Variants in RASL12 observed in about 807,000 individuals in gnomAD.
RASL12 encodes the protein RAS like family 12, also known as ras-like protein family member 12.
RASL12 carries 16 observed loss-of-function variants against 22.9 expected under a neutral mutation model. That is an observed-to-expected ratio of 0.70 (90% CI 0.47 to 1.06). RASL12 has a LOEUF of 1.06. Ranked by LOEUF, RASL12 falls within the 50% of genes least tolerant of loss-of-function variation. The pLI, the probability that RASL12 is intolerant of heterozygous loss-of-function variation, is 0.00. For synonymous variants in RASL12, 159 were observed against 152.2 expected (o/e 1.04, Z -0.33); for missense variants, 306 against 353.1 (o/e 0.87, Z 1.07).
intron 1 of RASL12, 74 bp from the exon 2 acceptor site, chr15:65,065,347 C>A (rs1389076246): frequency 7.4e-7 from 1 of 1,356,288 alleles, no homozygotes; most frequent in Non-Finnish European, 1.0e-6. Flanking sequence ...TTAAGGGAGG[C>A]CTTATCTAAC....
In RASL12 at chr15:65,054,487, C is replaced by A. The variant is rs2086699537; in HGVS notation, c.*412G>T. The A allele has an allele frequency of 1.0e-6, 1 of 1,000,544 alleles. No homozygotes were observed. Among genetic ancestry groups the A allele is most frequent in the Non-Finnish European group, 1.2e-6 (1 of 839,938 alleles). The allele number at this position is 1,000,544 out of a possible 1,614,324, so 62.0% of individuals were successfully genotyped here. A position where few individuals can be genotyped will look rare whatever the true frequency, so the allele number is the denominator to read the frequency against. On this transcript the variant is annotated 3_prime_UTR_variant, in exon 5 of 5. Transcript: ENST00000220062. Reference sequence around the variant, plus strand: ...GGCACAAGGACCCCAGGCTGTCATTCCGCAGGCTGTTCTCGGGCCTGACAT... The same window carrying A: ...GGCACAAGGACCCCAGGCTGTCATTACGCAGGCTGTTCTCGGGCCTGACAT...
chr15:65,068,972 C>G (rs1056242334), upstream of RASL12, among the ~76,000 whole-genome samples: 10 of 152,258 alleles, frequency 6.6e-5, no homozygotes, highest in Non-Finnish European at 2.9e-5. The surrounding 1 kb of genome is among the most constrained non-coding windows in gnomAD (Gnocchi z 4.2). Context: ...ATTCTAGAAC[C>G]CTGTGAGGCA....
downstream of RASL12, among the ~76,000 whole-genome samples, chr15:65,048,716 ATG>A (rs1595899268): frequency 1.3e-5 from 2 of 152,268 alleles, no homozygotes; most frequent in East Asian, 3.9e-4. Flanking sequence ...TTTTAAAAAA[ATG>A]TGTTATTGGG....
chr15:65,076,346 T>C (rs553041334), intron 1 of RASL12, among the ~76,000 whole-genome samples: 2 of 151,984 alleles, frequency 1.3e-5, no homozygotes, highest in South Asian at 4.2e-4. Context: ...ACAAGCCCAC[T>C]GGGAGGAACG....
chr15:65,054,730 C>A lies in RASL12; in HGVS notation c.*169G>T. ...GGCCTGGAGGGAACAGAAGCAGCAT[C>A]CCTGCCTGCCACTCCAGCTCACACA... is the stretch of plus-strand genomic sequence containing the variant. On this transcript the variant is annotated 3_prime_UTR_variant, in exon 5 of 5. Transcript: ENST00000220062. The A allele has an allele frequency of 1.4e-6, 2 of 1,437,676 alleles. No homozygotes were observed. The highest frequency in any genetic ancestry group is 2.9e-5 in the African/African-American group (2 of 70,170). 89.1% of individuals were successfully genotyped at this position (1,437,676 alleles called of 1,614,324 possible).
At chr15:65,058,010 G>A (rs1249010594) in intron 4 of RASL12, among the ~76,000 whole-genome samples, 3 of 152,190 alleles carry the variant, frequency 2.0e-5, no homozygotes, top group East Asian at 3.9e-4. Context: ...GGTGGCTCAC[G>A]CCTGTAATCC....
chr15:65,076,152 A>C (rs2086967155), intron 1 of RASL12, among the ~76,000 whole-genome samples: 1 of 152,132 alleles, frequency 6.6e-6, no homozygotes, highest in Admixed American at 6.5e-5. Flanking sequence ...AAGAGAATAA[A>C]CGCAGGCTAC....
At chr15:65,074,229 C>G (rs2086949915) in intron 1 of RASL12, among the ~76,000 whole-genome samples, 2 of 137,422 alleles carry the variant, frequency 1.5e-5, no homozygotes, top group South Asian at 4.2e-4. Context: ...CTGTCCCACT[C>G]CTCTGAGCTG....
At chr15:65,055,334 C>A in intron 4 of RASL12, 60 bp from the exon 5 acceptor site, 1 of 1,431,100 alleles carries the variant, frequency 7.0e-7, no homozygotes, top group Non-Finnish European at 9.3e-7. Context: ...GTCAGGCAGA[C>A]CAGCTCCTAC....
At chr15:65,055,668 C>T (rs1277508163) in intron 4 of RASL12, among the ~76,000 whole-genome samples, 1 of 152,148 alleles carries the variant, frequency 6.6e-6, no homozygotes, top group Admixed American at 6.5e-5. Flanking sequence ...ATCGTGGGTC[C>T]CTGGGGCAGG....
intron 2 of RASL12, among the ~76,000 whole-genome samples, chr15:65,061,260 C>T (rs1390458965): frequency 6.6e-6 from 1 of 152,266 alleles, no homozygotes; most frequent in Non-Finnish European, 1.5e-5. Flanking sequence ...GGAACTTGAA[C>T]TCAGGGCTTC....
chr15:65,060,058 G>C (rs546305938), intron 2 of RASL12, among the ~76,000 whole-genome samples: 31 of 152,342 alleles, frequency 2.0e-4, no homozygotes, highest in Non-Finnish European at 3.2e-4. Context: ...CTCTGAGGCT[G>C]TTTCCTCATT....
chr15:65,061,299 C>T (rs1041782220), intron 2 of RASL12, among the ~76,000 whole-genome samples: 10 of 152,248 alleles, frequency 6.6e-5, no homozygotes, highest in Non-Finnish European at 1.3e-4. Context: ...CAATGGGACC[C>T]CCTCACCCCG....
chr15:65,058,214 AGCCGAGATG>A (rs1385615478), intron 4 of RASL12, among the ~76,000 whole-genome samples: 1 of 152,220 alleles, frequency 6.6e-6, no homozygotes, highest in African/African-American at 2.4e-5. Context: ...GGTTGCAGTG[AGCCGAGATG>A]GTGCCATTGC....
At position 65,067,748 on chromosome 15, in the gene RASL12, C is replaced by T; in HGVS notation, c.88G>A (p.Gly30Arg). ...EVNLAILGRRGAGKSALTVKF... is the reference protein window; with the variant it reads ...EVNLAILGRRRAGKSALTVKF... ...CGCCACTCACCAGACTTGCCAGCCCCGCGGCGCCCCAGGATGGCCAGGTTG... is the reference window on the plus strand; with the variant it reads ...CGCCACTCACCAGACTTGCCAGCCCTGCGGCGCCCCAGGATGGCCAGGTTG... The change falls in exon 1 of 5, where the codon GGG (glycine) becomes AGG (arginine). Residue 30 changes from glycine to arginine, a missense_variant. By Grantham distance (125) the Gly-to-Arg change is moderately radical. Coordinates refer to ENST00000220062, the MANE Select transcript of RASL12 (RefSeq NM_016563.4). 1 of 1,568,970 alleles carries T rather than the reference C, an allele frequency of 6.4e-7. No homozygotes were observed. Among genetic ancestry groups the T allele is most frequent in the Non-Finnish European group, 8.6e-7 (1 of 1,160,054 alleles).
At chr15:65,070,817 T>C (rs2086926726), upstream of RASL12, among the ~76,000 whole-genome samples, 1 of 152,188 alleles carries the variant, frequency 6.6e-6, no homozygotes, top group Non-Finnish European at 1.5e-5. Flanking sequence ...TGTCGAATGA[T>C]AAATTCACAT....
chr15:65,052,133 G>C (rs879711819), downstream of RASL12, among the ~76,000 whole-genome samples: 6 of 152,204 alleles, frequency 3.9e-5, no homozygotes, highest in Non-Finnish European at 7.3e-5. Context: ...AAGGTGGTTG[G>C]GGGAGGGGAG....
At chr15:65,050,833 C>CTTTTTTTTTTTTTTTTT (rs67418433), downstream of RASL12, among the ~76,000 whole-genome samples, 35 of 88,598 alleles carry the variant, frequency 4.0e-4, no homozygotes, top group Middle Eastern at 9.1e-3. Flanking sequence ...TCTTCTTCTT[C>CTTTTTTTTTTTTTTTTT]TTCTTTTTTT....
downstream of RASL12, among the ~76,000 whole-genome samples, chr15:65,050,491 A>G (rs2086635972): frequency 6.6e-6 from 1 of 152,270 alleles, no homozygotes; most frequent in Non-Finnish European, 1.5e-5. Flanking sequence ...AAAAAGAAAA[A>G]TTAAACAGAG....
Sources: gnomAD v4.1 joint callset for allele counts (sites outside exome capture counted in the v4.1 genomes callset) on GRCh38, gnomAD v4.1.1 for gene constraint, Gnocchi (gnomAD v3.1) non-coding constraint, MANE v1.5 for transcripts, NCBI Gene and HGNC (gene_info 2026-07-23, HGNC 2026-07-21) for gene names.